Variants in ABTB3 observed in about 807,000 individuals in gnomAD.
The protein encoded by ABTB3 is ankyrin repeat- and BTB/POZ domain-containing protein 3.
At chr12:107,323,873 A>C in the ABTB3 span, among the ~76,000 whole-genome samples, 1 of 152,176 alleles carries the variant, frequency 6.6e-6, no homozygotes, top group South Asian at 2.1e-4. Flanking sequence ...TGTTAAACGA[A>C]TATAACCAGC....
chr12:107,364,243 A>G, the ABTB3 span, among the ~76,000 whole-genome samples: 1 of 151,668 alleles, frequency 6.6e-6, no homozygotes, highest in Non-Finnish European at 1.5e-5. Flanking sequence ...AGGAAAATAG[A>G]TTATGGAGAA....
the ABTB3 span, among the ~76,000 whole-genome samples, chr12:107,484,665 C>T: frequency 2.7e-5 from 4 of 150,774 alleles, no homozygotes; most frequent in Non-Finnish European, 4.4e-5. Context: ...GAGGGTGGGG[C>T]AAGGACCAGA....
At chr12:107,563,653 A>G in the ABTB3 span, among the ~76,000 whole-genome samples, 1 of 152,102 alleles carries the variant, frequency 6.6e-6, no homozygotes, top group African/African-American at 2.4e-5. Flanking sequence ...AAAAAAAACT[A>G]TTGTGGTTAT....
the ABTB3 span, among the ~76,000 whole-genome samples, chr12:107,455,352 T>C: frequency 6.6e-6 from 1 of 152,228 alleles, no homozygotes; most frequent in Non-Finnish European, 1.5e-5. Flanking sequence ...CATATCTCTG[T>C]GCTGTCGCCC....
chr12:107,569,875 C>T, the ABTB3 span, among the ~76,000 whole-genome samples: 1,020 of 152,330 alleles, frequency 6.7e-3, 8 homozygotes, highest in Non-Finnish European at 0.011. Context: ...TGTTGCTCTG[C>T]GTTTATCAAC....
the ABTB3 span, among the ~76,000 whole-genome samples, chr12:107,379,398 A>G: frequency 3.3e-5 from 5 of 152,178 alleles, no homozygotes; most frequent in Admixed American, 6.5e-5. Flanking sequence ...TGTTCTTGTG[A>G]TAGAGAAGAA....
the ABTB3 span, chr12:107,581,154 C>T: frequency 6.5e-7 from 1 of 1,544,784 alleles, no homozygotes; most frequent in East Asian, 2.4e-5. Flanking sequence ...CACCGCAGGC[C>T]CTTCCTCGTG....
chr12:107,644,986 T>A, the ABTB3 span, among the ~76,000 whole-genome samples: 1 of 151,602 alleles, frequency 6.6e-6, no homozygotes, highest in Admixed American at 6.6e-5. Flanking sequence ...TTTTTTTTTT[T>A]TTTTGAGAAG....
the ABTB3 span, among the ~76,000 whole-genome samples, chr12:107,632,906 T>C: frequency 6.6e-6 from 1 of 152,356 alleles, no homozygotes; most frequent in Non-Finnish European, 1.5e-5. Context: ...GCTTGCCATG[T>C]GGCCCCTCCA....
the ABTB3 span, among the ~76,000 whole-genome samples, chr12:107,332,494 G>A: frequency 6.6e-6 from 1 of 152,170 alleles, no homozygotes; most frequent in Non-Finnish European, 1.5e-5. Flanking sequence ...TCCATCCCTG[G>A]TTCTCGGTGC....
At chr12:107,342,153 A>C in the ABTB3 span, among the ~76,000 whole-genome samples, 1 of 152,006 alleles carries the variant, frequency 6.6e-6, no homozygotes, top group Non-Finnish European at 1.5e-5. Flanking sequence ...CTTCCTTTCT[A>C]AGCCACTGTG....
the ABTB3 span, among the ~76,000 whole-genome samples, chr12:107,364,222 C>A: frequency 1.3e-5 from 2 of 152,118 alleles, no homozygotes; most frequent in Admixed American, 1.3e-4. Context: ...TGCTTCCATT[C>A]TTGCTGCAAA....
At chr12:107,427,911 C>T in the ABTB3 span, among the ~76,000 whole-genome samples, 1 of 152,156 alleles carries the variant, frequency 6.6e-6, no homozygotes, top group African/African-American at 2.4e-5. Flanking sequence ...AATCTGGGAG[C>T]CATTTCAGGG....
the ABTB3 span, among the ~76,000 whole-genome samples, chr12:107,401,691 C>T: frequency 1.3e-5 from 2 of 152,288 alleles, no homozygotes; most frequent in East Asian, 3.9e-4. Context: ...GGCATTTTGA[C>T]ATAACACAAA....
the ABTB3 span, among the ~76,000 whole-genome samples, chr12:107,508,438 C>CTTGTTTTTTTTTTTTTTTTTTTTTTTTTT: frequency 1.4e-5 from 1 of 69,150 alleles, no homozygotes; most frequent in Non-Finnish European, 2.7e-5. Context: ...AAGATCATTT[C>CTTGTTTTTTTTTTTTTTTTTTTTTTTTTT]TTTTTTTTTT....
the ABTB3 span, among the ~76,000 whole-genome samples, chr12:107,563,648 A>T: frequency 0.29 from 44,278 of 152,030 alleles, 6,519 homozygotes; most frequent in Middle Eastern, 0.33. Context: ...GGGAAAAAAA[A>T]AACTATTGTG....
the ABTB3 span, among the ~76,000 whole-genome samples, chr12:107,397,112 A>G: frequency 4.7e-4 from 72 of 152,282 alleles, no homozygotes; most frequent in African/African-American, 1.7e-3. Context: ...TCCCCTTGGA[A>G]CCCCAGTGGG....
the ABTB3 span, chr12:107,657,601 C>T: frequency 4.3e-6 from 7 of 1,614,226 alleles, no homozygotes; most frequent in South Asian, 4.4e-5. Context: ...TCAAGCAGCT[C>T]CTGTATGACA....
the ABTB3 span, among the ~76,000 whole-genome samples, chr12:107,484,780 T>C: frequency 1.3e-5 from 2 of 152,120 alleles, no homozygotes; most frequent in Non-Finnish European, 2.9e-5. Context: ...TGAGAAGCAG[T>C]TGGGCTCTGC....
Sources: allele counts gnomAD v4.1 joint callset (sites outside exome capture counted in the v4.1 genomes callset), GRCh38; gene constraint gnomAD v4.1.1; transcripts MANE v1.5; gene names NCBI Gene and HGNC (gene_info 2026-07-23, HGNC 2026-07-21).